MKLN1: variants seen among roughly 807,000 people sequenced by gnomAD.
MKLN1 encodes the protein muskelin.
In MKLN1, 18 loss-of-function variants were observed where a neutral mutation model predicts 99.0. The ratio of observed to expected loss-of-function variants is 0.18; its 90% CI spans 0.13 to 0.27. MKLN1 has a LOEUF of 0.27. Ranked by LOEUF, MKLN1 falls within the 10% of genes least tolerant of loss-of-function variation. The pLI, the probability that MKLN1 is intolerant of heterozygous loss-of-function variation, is 1.00. For missense variants in MKLN1, 621 were observed against 875.9 expected (o/e 0.71, Z 3.67); for synonymous variants, 288 against 293.2 (o/e 0.98, Z 0.18).
chr7:131,435,945 T>C (rs1327883216), intron 9 of MKLN1, among the ~76,000 whole-genome samples: 1 of 152,128 alleles, frequency 6.6e-6, no homozygotes, highest in Non-Finnish European at 1.5e-5. Context: ...TTATTTGTGC[T>C]AATTTAGTTG....
intron 10 of MKLN1, 88 bp downstream of exon 10, chr7:131,438,085 T>G (rs753405630): frequency 7.4e-6 from 7 of 944,692 alleles, no homozygotes; most frequent in Non-Finnish European, 1.0e-5. Context: ...TATGCTGAGT[T>G]GTCCAGTAGT....
chr7:131,479,989 C>G (rs945347324), intron 17 of MKLN1, among the ~76,000 whole-genome samples: 1 of 149,480 alleles, frequency 6.7e-6, no homozygotes, highest in Non-Finnish European at 1.5e-5. Flanking sequence ...CCATTGCACT[C>G]CAGCCTGGGC....
chr7:131,187,730 A>G (rs1053959996), intron 2 of MKLN1, among the ~76,000 whole-genome samples: 2 of 152,134 alleles, frequency 1.3e-5, no homozygotes, highest in African/African-American at 4.8e-5. Flanking sequence ...GGATTTCGAG[A>G]CCAGAGTCCA....
rs1797437750 is a variant in MKLN1, at chr7:131,492,075, G to A, written c.*4347G>A. ...GGGGATAGTAATAATGGCTGTGGCA[G>A]CTTTAATGGAGAAACCTGTGTTGGC... On this transcript the variant is annotated 3_prime_UTR_variant, in exon 18 of 18. Coordinates refer to ENST00000352689, the MANE Select transcript of MKLN1 (RefSeq NM_013255.5). 1 of 152,184 alleles carries A rather than the reference G, an allele frequency of 6.6e-6. No individual in the cohort carries two copies. The highest frequency in any genetic ancestry group is 2.4e-5 in the African/African-American group (1 of 41,458). 9.4% of individuals were successfully genotyped at this position (152,184 alleles called of 1,614,324 possible). A position where few individuals can be genotyped will look rare whatever the true frequency, so the allele number is the denominator to read the frequency against.
At chr7:131,116,028 G>T (rs529225680) in intron 1 of MKLN1, among the ~76,000 whole-genome samples, 1 of 152,080 alleles carries the variant, frequency 6.6e-6, no homozygotes, top group Non-Finnish European at 1.5e-5. Flanking sequence ...AATTAGGGCC[G>T]GGCACGGTGG....
chr7:131,329,922 A>G (rs752228658), intron 1 of MKLN1, among the ~76,000 whole-genome samples: 2 of 152,248 alleles, frequency 1.3e-5, no homozygotes, highest in Non-Finnish European at 1.5e-5. Flanking sequence ...TCCACTTACT[A>G]TATCTTGTTT....
chr7:131,453,074 A>G (rs1188615196), intron 12 of MKLN1, among the ~76,000 whole-genome samples: 1 of 152,176 alleles, frequency 6.6e-6, no homozygotes, highest in African/African-American at 2.4e-5. Flanking sequence ...TCTCAAAATT[A>G]TTGGTAATAA....
At chr7:131,448,287 C>T (rs1768365234) in intron 12 of MKLN1, among the ~76,000 whole-genome samples, 1 of 152,130 alleles carries the variant, frequency 6.6e-6, no homozygotes, top group Non-Finnish European at 1.5e-5. Flanking sequence ...AATAAAAATT[C>T]ACCATGACAA....
intron 14 of MKLN1, among the ~76,000 whole-genome samples, chr7:131,466,044 G>A (rs112469801): frequency 2.6e-5 from 4 of 152,076 alleles, no homozygotes; most frequent in Non-Finnish European, 5.9e-5. Context: ...TGTCATTGTA[G>A]TTATGGTAAT....
chr7:131,136,307 C>A (rs1289107438), intron 1 of MKLN1, among the ~76,000 whole-genome samples: 1 of 152,172 alleles, frequency 6.6e-6, no homozygotes, highest in Non-Finnish European at 1.5e-5. Context: ...AAAACCTGAT[C>A]CATCCAACAT....
chr7:131,300,508 CTG>C (rs1293584917), intron 3 of MKLN1, among the ~76,000 whole-genome samples: 2 of 123,706 alleles, frequency 1.6e-5, no homozygotes, highest in East Asian at 4.9e-4. Flanking sequence ...TGGCAAAACA[CTG>C]TCTCTAGTTA....
chr7:131,333,381 T>C (rs1354059361), intron 1 of MKLN1, among the ~76,000 whole-genome samples: 1 of 152,216 alleles, frequency 6.6e-6, no homozygotes, highest in East Asian at 1.9e-4. Flanking sequence ...AGCCAAAATT[T>C]ATTATGGATA....
intron 1 of MKLN1, among the ~76,000 whole-genome samples, chr7:131,354,904 G>C (rs1296213326): frequency 6.6e-6 from 1 of 151,888 alleles, no homozygotes; most frequent in Non-Finnish European, 1.5e-5. Flanking sequence ...ATGCTATCTT[G>C]ATCATTTATT....
intron 3 of MKLN1, among the ~76,000 whole-genome samples, chr7:131,316,861 A>C (rs1052205950): frequency 6.6e-6 from 1 of 152,202 alleles, no homozygotes; most frequent in Non-Finnish European, 1.5e-5. Context: ...GATATCAGAG[A>C]TTGAAGATCA....
chr7:131,245,765 A>G (rs546814720), intron 3 of MKLN1, among the ~76,000 whole-genome samples: 8 of 152,342 alleles, frequency 5.3e-5, no homozygotes, highest in Admixed American at 2.0e-4. Context: ...GGTTTGTGTA[A>G]GTGCACTCTA....
At chr7:131,362,783 A>G (rs1234196819) in intron 1 of MKLN1, among the ~76,000 whole-genome samples, 2 of 151,896 alleles carry the variant, frequency 1.3e-5, no homozygotes, top group Admixed American at 6.6e-5. Flanking sequence ...CTCTAGACAG[A>G]TATTTCAAAC....
chr7:131,291,101 T>TTTTATTTTA (rs550977388), intron 3 of MKLN1, among the ~76,000 whole-genome samples: 11,021 of 134,654 alleles, frequency 0.082, 505 homozygotes, highest in East Asian at 0.16. Flanking sequence ...TCTCATTTTA[T>TTTTATTTTA]TTTATTTATT....
At chr7:131,210,743 AGGGAGGGAGGGAGGGG>A (rs1796889549) in intron 3 of MKLN1, among the ~76,000 whole-genome samples, 1 of 18 alleles carries the variant, frequency 0.056, no homozygotes, top group Non-Finnish European at 0.1. Context: ...AGGGGAAGGG[AGGGAGGGAGGGAGGGG>A]AGGGGGGAGG....
chr7:131,307,529 G>A (rs754785651), intron 3 of MKLN1, among the ~76,000 whole-genome samples: 30 of 152,178 alleles, frequency 2.0e-4, no homozygotes, highest in Non-Finnish European at 2.5e-4. Flanking sequence ...TCACAGGAGC[G>A]GAGTTACCTA....
Sources: allele counts gnomAD v4.1 joint callset (sites outside exome capture counted in the v4.1 genomes callset), GRCh38; gene constraint gnomAD v4.1.1; transcripts MANE v1.5; gene names NCBI Gene and HGNC (gene_info 2026-07-23, HGNC 2026-07-21).